ANO1: variants seen among roughly 807,000 people sequenced by gnomAD.
The protein encoded by ANO1 is anoctamin-1.
Under a neutral mutation model 124.0 loss-of-function variants are expected in ANO1, and 59 were observed. That is an observed-to-expected ratio of 0.48 (90% CI 0.39 to 0.59). ANO1 has a LOEUF of 0.59. Ranked by LOEUF, ANO1 falls within the 20% of genes least tolerant of loss-of-function variation. The pLI, the probability that ANO1 is intolerant of heterozygous loss-of-function variation, is 0.00. For synonymous variants in ANO1, 529 were observed against 532.0 expected (o/e 0.99, Z 0.08); for missense variants, 1,059 against 1,328.0 (o/e 0.80, Z 3.15).
the ANO1 span, among the ~76,000 whole-genome samples, chr11:69,966,299 G>A: frequency 6.6e-6 from 1 of 152,202 alleles, no homozygotes; most frequent in Non-Finnish European, 1.5e-5. Context: ...CCATGGGCGT[G>A]GCTGGAGGAG....
At chr11:70,002,530 T>C (rs1591026919) in intron 1 of ANO1, among the ~76,000 whole-genome samples, 1 of 149,272 alleles carries the variant, frequency 6.7e-6, no homozygotes, top group East Asian at 2.0e-4. Context: ...TGCAGTAACA[T>C]GCTGTGAAGG....
chr11:69,980,394 C>T, the ANO1 span, among the ~76,000 whole-genome samples: 566 of 152,072 alleles, frequency 3.7e-3, 3 homozygotes, highest in African/African-American at 0.013. Flanking sequence ...GAGGTCAAGG[C>T]GGGTGGGTCA....
chr11:69,973,560 A>G, the ANO1 span, among the ~76,000 whole-genome samples: 1 of 152,096 alleles, frequency 6.6e-6, no homozygotes, highest in East Asian at 1.9e-4. Flanking sequence ...CTTCTACTTT[A>G]TTGCAGGCCT....
chr11:70,176,954 CG>C (rs2135805014), intron 22 of ANO1, among the ~76,000 whole-genome samples: 1 of 152,262 alleles, frequency 6.6e-6, no homozygotes, highest in South Asian at 2.1e-4. Flanking sequence ...ACACACCCCG[CG>C]GATGTGCAGG....
upstream of ANO1, among the ~76,000 whole-genome samples, chr11:69,981,522 T>C (rs150255675): frequency 2.3e-3 from 357 of 152,370 alleles, 2 homozygotes; most frequent in African/African-American, 8.3e-3. Flanking sequence ...AGGGCCCCTC[T>C]GCAAGTTTAG....
At chr11:70,007,305 C>T (rs1420175227) in intron 1 of ANO1, among the ~76,000 whole-genome samples, 1 of 133,704 alleles carries the variant, frequency 7.5e-6, no homozygotes, top group Non-Finnish European at 1.5e-5. Flanking sequence ...GAGACAGAGT[C>T]TCGCTTAGTC....
intron 7 of ANO1, among the ~76,000 whole-genome samples, chr11:70,113,947 C>T (rs1013053662): frequency 1.3e-5 from 2 of 152,174 alleles, no homozygotes; most frequent in Non-Finnish European, 2.9e-5. Context: ...CCCACCTCAT[C>T]CCGTCATGGA....
chr11:70,187,318 T>C (rs1055274116), intron 25 of ANO1, among the ~76,000 whole-genome samples: 1 of 152,164 alleles, frequency 6.6e-6, no homozygotes, highest in Non-Finnish European at 1.5e-5. Context: ...AATGTCTCCG[T>C]GGAGGTGGTA....
chr11:69,999,104 G>C (rs1856331795), intron 1 of ANO1, among the ~76,000 whole-genome samples: 1 of 151,730 alleles, frequency 6.6e-6, no homozygotes, highest in African/African-American at 2.4e-5. Context: ...AATTTACAAA[G>C]AAAAGAGGTT....
intron 23 of ANO1, 68 bp from the exon 24 acceptor site, chr11:70,182,434 C>A (rs1266746866): frequency 7.4e-7 from 1 of 1,355,128 alleles, no homozygotes. Context: ...GATGGGTCAC[C>A]CCCTGTTGCG....
At chr11:70,036,736 T>G (rs1050406158) in intron 1 of ANO1, among the ~76,000 whole-genome samples, 1 of 152,170 alleles carries the variant, frequency 6.6e-6, no homozygotes, top group African/African-American at 2.4e-5. Flanking sequence ...GCCTCCCAAG[T>G]AGCTGGGACT....
intron 1 of ANO1, among the ~76,000 whole-genome samples, chr11:70,039,000 A>G (rs1555004759): frequency 1.3e-5 from 2 of 152,180 alleles, no homozygotes; most frequent in Non-Finnish European, 2.9e-5. Context: ...TCAGGGAAAA[A>G]GGATACAGGC....
rs111381239 is a variant in ANO1 at position 70,138,939 on chromosome 11, C to T, written c.1258+6860C>T. On this transcript the variant is annotated intron_variant, in intron 11 of 25. Coordinates refer to ENST00000355303, the MANE Select transcript of ANO1 (RefSeq NM_018043.7). Reference sequence around the variant, plus strand: ...CCATCCTCACCCTCCTCCCACCCTCCACCCTCGAGTAGGCCTCGGTGTCTC... The same window carrying T: ...CCATCCTCACCCTCCTCCCACCCTCTACCCTCGAGTAGGCCTCGGTGTCTC... 9.7e-4 allele frequency among the ~76,000 whole-genome samples: 147 copies of T among 152,278 alleles called. 1 individual carries two copies. Among genetic ancestry groups the T allele is most frequent in the African/African-American group, 3.4e-3 (141 of 41,552 alleles).
At chr11:70,128,336 G>A (rs1487657412) in intron 10 of ANO1, among the ~76,000 whole-genome samples, 1 of 152,218 alleles carries the variant, frequency 6.6e-6, no homozygotes. Flanking sequence ...GGTGGGGATT[G>A]TAAGGCTGGC....
intron 12 of ANO1, among the ~76,000 whole-genome samples, chr11:70,151,648 C>T (rs549890817): frequency 6.6e-6 from 1 of 152,138 alleles, no homozygotes; most frequent in African/African-American, 2.4e-5. Context: ...ACCGAAGTCA[C>T]TGGGCACACA....
intron 10 of ANO1, among the ~76,000 whole-genome samples, chr11:70,129,100 C>T (rs1024458160): frequency 3.3e-5 from 5 of 152,214 alleles, no homozygotes; most frequent in Admixed American, 2.6e-4. Context: ...CCCCCCAAAA[C>T]GCTGCTTTCT....
At chr11:70,064,473 T>G (rs1857670348) in intron 1 of ANO1, 3 of 152,288 alleles carry the variant, frequency 2.0e-5, no homozygotes, top group Non-Finnish European at 4.4e-5. Context: ...CGCCCTGGAC[T>G]GAGGCAAACT....
At chr11:70,088,414 CA>C (rs2044480244) in intron 2 of ANO1, among the ~76,000 whole-genome samples, 1 of 149,102 alleles carries the variant, frequency 6.7e-6, no homozygotes, top group Non-Finnish European at 1.5e-5. Flanking sequence ...GAGGCTGAGG[CA>C]GGAAAATCAC....
chr11:70,021,788 C>T (rs1856814925), intron 1 of ANO1, among the ~76,000 whole-genome samples: 1 of 152,212 alleles, frequency 6.6e-6, no homozygotes, highest in East Asian at 1.9e-4. Context: ...AAACTCATCC[C>T]TCTGTGTCCA....
Sources: allele counts gnomAD v4.1 joint callset (sites outside exome capture counted in the v4.1 genomes callset), GRCh38; gene constraint gnomAD v4.1.1; transcripts MANE v1.5; gene names NCBI Gene and HGNC (gene_info 2026-07-23, HGNC 2026-07-21).